SUSD4: variants seen among roughly 807,000 people sequenced by gnomAD.
SUSD4 encodes the protein sushi domain-containing protein 4.
Under a neutral mutation model 50.5 loss-of-function variants are expected in SUSD4, and 41 were observed. The ratio of observed to expected loss-of-function variants is 0.81; its 90% CI spans 0.63 to 1.05. SUSD4 has a LOEUF of 1.05. Ranked by LOEUF, SUSD4 falls within the 50% of genes least tolerant of loss-of-function variation. The pLI, the probability that SUSD4 is intolerant of heterozygous loss-of-function variation, is 0.00. For synonymous variants in SUSD4, 257 were observed against 257.3 expected (o/e 1.00, Z 0.01); for missense variants, 580 against 634.7 (o/e 0.91, Z 0.93).
At chr1:223,343,161 C>T (rs1187871772) in intron 2 of SUSD4, among the ~76,000 whole-genome samples, 1 of 152,180 alleles carries the variant, frequency 6.6e-6, no homozygotes, top group Non-Finnish European at 1.5e-5. Flanking sequence ...GACCTCTGTG[C>T]TGGCTGTTCC....
intron 2 of SUSD4, among the ~76,000 whole-genome samples, chr1:223,325,460 A>G (rs1250142494): frequency 1.3e-5 from 2 of 152,206 alleles, no homozygotes. Flanking sequence ...ACCAGGTTTA[A>G]TTCATCCTAT....
chr1:223,227,821 T>A lies in SUSD4; in HGVS notation c.917-83A>T. The A allele has an allele frequency of 6.7e-7, 1 of 1,497,596 alleles. No individual in the cohort carries two copies. The highest frequency in any genetic ancestry group is 1.3e-5 in the South Asian group (1 of 76,738). The allele number at this position is 1,497,596 out of a possible 1,614,324, so 92.8% of individuals were successfully genotyped here. ...GTTCCCCGTGGGCTCATTTGCTGGA[T>A]TCATCTGGCACAAGAGATGCGTGCA... On this transcript the variant is annotated intron_variant, in intron 6 of 8. Coordinates refer to ENST00000366878, the MANE Select transcript of SUSD4 (RefSeq NM_017982.4). This position sits in a 1 kb window ranked among gnomAD's most constrained non-coding sequence, Gnocchi z 4.5.
In SUSD4 at chr1:223,336,249, C is replaced by T. The variant is rs111505607; in HGVS notation, c.148+27029G>A. On this transcript the variant is annotated intron_variant, in intron 2 of 8. Transcript: ENST00000366878. ...GATTACAAGCGTGAGCCACTGTGCC[C>T]GGCCAATAATGACTATCATTTTAAA... Among the ~76,000 whole-genome samples, 1,118 of 152,190 alleles carry T rather than the reference C, an allele frequency of 7.3e-3. 15 individuals are homozygous for T. Among genetic ancestry groups the T allele is most frequent in the South Asian group, 0.034 (162 of 4,822 alleles).
intron 2 of SUSD4, among the ~76,000 whole-genome samples, chr1:223,351,630 G>T (rs1668371720): frequency 6.6e-6 from 1 of 152,168 alleles, no homozygotes; most frequent in South Asian, 2.1e-4. Flanking sequence ...GGAAAGGCCA[G>T]CTGGAGGAGA....
chr1:223,284,087 A>T (rs28665966), intron 3 of SUSD4, among the ~76,000 whole-genome samples: 3 of 29,274 alleles, frequency 1.0e-4, no homozygotes, highest in African/African-American at 4.6e-4. Flanking sequence ...GTTGTGGGAT[A>T]GGGGGAGGGG....
chr1:223,364,093 C>G lies in SUSD4; in HGVS notation c.-72G>C, dbSNP rs560947393. 1 of 151,852 alleles carries G rather than the reference C, an allele frequency of 6.6e-6. No homozygotes were observed. Among genetic ancestry groups the G allele is most frequent in the South Asian group, 2.1e-4 (1 of 4,826 alleles). The allele number at this position is 151,852 out of a possible 1,614,324, so 9.4% of individuals were successfully genotyped here. The stretch of plus-strand genomic sequence containing the variant: ...ATGCATGCAGCTTCCTTCCCTCCTC[C>G]GCCTCCTCCCCCCGCCAGTCTAACC... On this transcript the variant is annotated 5_prime_UTR_variant, in exon 1 of 9. Coordinates refer to ENST00000366878, the MANE Select transcript of SUSD4 (RefSeq NM_017982.4). The surrounding 1 kb of genome is among the most constrained non-coding windows in gnomAD (Gnocchi z 4.5).
chr1:223,295,965 A>G (rs1664796217), intron 2 of SUSD4, among the ~76,000 whole-genome samples: 2 of 152,080 alleles, frequency 1.3e-5, no homozygotes, highest in East Asian at 1.9e-4. Flanking sequence ...AAGGGTGGGA[A>G]GATCATTTGA....
intron 5 of SUSD4, among the ~76,000 whole-genome samples, chr1:223,245,493 C>T (rs1275486510): frequency 6.6e-6 from 1 of 152,008 alleles, no homozygotes; most frequent in Non-Finnish European, 1.5e-5. Context: ...CCGATGGTGG[C>T]TGAGTGTGCA....
intron 3 of SUSD4, among the ~76,000 whole-genome samples, chr1:223,290,764 C>A (rs530921267): frequency 6.8e-6 from 1 of 147,706 alleles, no homozygotes; most frequent in East Asian, 2.0e-4. Flanking sequence ...CACCCCCTTT[C>A]TTGCCATGAC....
Position 223,220,957 on chromosome 1 carries a change from AAG to A in SUSD4, c.*1233_*1234del. 2 of 400,744 alleles carry A rather than the reference AAG, an allele frequency of 5.0e-6. No homozygotes were observed. The highest frequency in any genetic ancestry group is 8.8e-6 in the Non-Finnish European group (2 of 226,240). 24.8% of individuals were successfully genotyped at this position (400,744 alleles called of 1,614,324 possible). A position where few individuals can be genotyped will look rare whatever the true frequency, so the allele number is the denominator to read the frequency against. ...GCTTTGTTTACATTTGTCTAAAACC[AAG>A]AGAAGGAAAGGAATCAACTCCACAG... On this transcript the variant is annotated 3_prime_UTR_variant, in exon 9 of 9. Coordinates refer to ENST00000366878, the MANE Select transcript of SUSD4 (RefSeq NM_017982.4).
intron 2 of SUSD4, among the ~76,000 whole-genome samples, chr1:223,351,799 A>G (rs1668382845): frequency 6.6e-6 from 1 of 152,130 alleles, no homozygotes; most frequent in African/African-American, 2.4e-5. Flanking sequence ...AAGTGTGTGT[A>G]TCTTAATCCA....
At chr1:223,249,850 G>C (rs968769229) in intron 5 of SUSD4, among the ~76,000 whole-genome samples, 8 of 152,158 alleles carry the variant, frequency 5.3e-5, no homozygotes, top group Non-Finnish European at 8.8e-5. Flanking sequence ...AGAAACACTG[G>C]CTTAGAAGAC....
In SUSD4 at chr1:223,229,488, G is replaced by A; in HGVS notation, c.725-100C>T. ...GGCCTAGGAGAACTCAGTTAAAAATGTGCTTATGGATTAATCACCAGGCTA... is the reference window on the plus strand; with the variant it reads ...GGCCTAGGAGAACTCAGTTAAAAATATGCTTATGGATTAATCACCAGGCTA... On this transcript the variant is annotated intron_variant, in intron 5 of 8. Transcript: ENST00000366878. The surrounding 1 kb of genome is among the most constrained non-coding windows in gnomAD (Gnocchi z 4.7). 1 of 1,170,100 alleles carries A rather than the reference G, an allele frequency of 8.5e-7. No homozygotes were observed. The highest frequency in any genetic ancestry group is 1.2e-6 in the Non-Finnish European group (1 of 854,956). 72.5% of individuals were successfully genotyped at this position (1,170,100 alleles called of 1,614,324 possible). A position where few individuals can be genotyped will look rare whatever the true frequency, so the allele number is the denominator to read the frequency against.
chr1:223,318,858 C>G (rs1666397174), intron 2 of SUSD4, among the ~76,000 whole-genome samples: 2 of 105,836 alleles, frequency 1.9e-5, no homozygotes, highest in African/African-American at 3.7e-5. Context: ...CAATCCTAAG[C>G]CAAAAGAACA....
At chr1:223,305,167 G>A (rs1400962) in intron 2 of SUSD4, among the ~76,000 whole-genome samples, 21,455 of 151,968 alleles carry the variant, frequency 0.14, 1,798 homozygotes, top group South Asian at 0.23. Flanking sequence ...GCTTGCAGGG[G>A]AAATCTAAGG....
intron 3 of SUSD4, 117 bp from the exon 4 acceptor site, chr1:223,268,792 A>C: frequency 9.7e-7 from 1 of 1,032,266 alleles, no homozygotes. Flanking sequence ...GCAATCTGAT[A>C]AATGGTACCT....
intron 5 of SUSD4, among the ~76,000 whole-genome samples, chr1:223,243,190 G>C (rs550675166): frequency 2.3e-4 from 35 of 152,256 alleles, no homozygotes; most frequent in Admixed American, 2.0e-3. Context: ...GACACCACAG[G>C]ACCTTCTCAG....
intron 5 of SUSD4, among the ~76,000 whole-genome samples, chr1:223,247,601 C>T (rs974359078): frequency 1.3e-5 from 2 of 152,176 alleles, no homozygotes; most frequent in Non-Finnish European, 2.9e-5. Flanking sequence ...AACAGCAGAA[C>T]ATGCATGCTC....
chr1:223,222,990 C>T (rs759386646), intron 8 of SUSD4, among the ~76,000 whole-genome samples: 3 of 152,326 alleles, frequency 2.0e-5, no homozygotes, highest in South Asian at 2.1e-4. Context: ...CTGGATGGCT[C>T]GATGCCTTTT....
Sources: allele counts gnomAD v4.1 joint callset (sites outside exome capture counted in the v4.1 genomes callset), GRCh38; gene constraint gnomAD v4.1.1; non-coding constraint Gnocchi (gnomAD v3.1); transcripts MANE v1.5; gene names NCBI Gene and HGNC (gene_info 2026-07-23, HGNC 2026-07-21).